Variants in UTRN observed in about 807,000 individuals in gnomAD.
UTRN encodes the protein dystrophin-related protein 1.
UTRN carries 283 observed loss-of-function variants against 463.9 expected under a neutral mutation model. The observed-to-expected ratio is 0.61, with a 90% CI of 0.55 to 0.67. UTRN has a LOEUF of 0.67. Ranked by LOEUF, UTRN falls within the 30% of genes least tolerant of loss-of-function variation. The pLI is 0.00. For missense variants in UTRN, 3,922 were observed against 4,084.3 expected (o/e 0.96, Z 1.08); for synonymous variants, 1,442 against 1,431.5 (o/e 1.01, Z -0.17).
At chr6:144,562,275 G>A (rs1232615248) in intron 50 of UTRN, among the ~76,000 whole-genome samples, 1 of 152,060 alleles carries the variant, frequency 6.6e-6, no homozygotes. Flanking sequence ...AGGTAAATGT[G>A]GTGGTTTGCT....
intron 45 of UTRN, 126 bp from the exon 46 acceptor site, chr6:144,542,669 G>T: frequency 1.1e-6 from 1 of 895,772 alleles, no homozygotes. Flanking sequence ...GGTAGAGCCA[G>T]AAGTTTAGGT....
intron 2 of UTRN, among the ~76,000 whole-genome samples, chr6:144,296,759 C>G (rs1804749272): frequency 6.6e-6 from 1 of 152,238 alleles, no homozygotes; most frequent in Non-Finnish European, 1.5e-5. Flanking sequence ...TGTATTTATA[C>G]AGCTCTTCTA....
At chr6:144,737,191 C>T (rs1451297362) in intron 54 of UTRN, among the ~76,000 whole-genome samples, 1 of 152,074 alleles carries the variant, frequency 6.6e-6, no homozygotes, top group Non-Finnish European at 1.5e-5. Flanking sequence ...AGTGCAGATC[C>T]TTTTCTTAGA....
chr6:144,442,676 T>C (rs547339448), intron 13 of UTRN, among the ~76,000 whole-genome samples: 61 of 152,258 alleles, frequency 4.0e-4, no homozygotes, highest in African/African-American at 1.4e-3. Context: ...GTGAGACTTA[T>C]TCACTATAAT....
chr6:144,729,648 A>T (rs1314983740), intron 53 of UTRN, among the ~76,000 whole-genome samples: 1 of 152,202 alleles, frequency 6.6e-6, no homozygotes, highest in Non-Finnish European at 1.5e-5. Flanking sequence ...TCACTGAAGG[A>T]GTTTGGTTGT....
chr6:144,563,187 T>G (rs1442438621), intron 50 of UTRN, among the ~76,000 whole-genome samples: 1 of 152,162 alleles, frequency 6.6e-6, no homozygotes. Flanking sequence ...ATTTAAATAT[T>G]GTGTATAGTA....
intron 2 of UTRN, among the ~76,000 whole-genome samples, chr6:144,381,465 G>T (rs1198565844): frequency 1.3e-5 from 2 of 152,128 alleles, no homozygotes; most frequent in Non-Finnish European, 2.9e-5. Flanking sequence ...TTACTGTGCT[G>T]CAATGTCTTT....
At position 144,346,754 on chromosome 6, in the gene UTRN, C is replaced by G. The variant is rs140462642; in HGVS notation, c.79+54847C>G. 2.0e-5 allele frequency among the ~76,000 whole-genome samples: 3 copies of G among 152,028 alleles called. No individual in the cohort carries two copies. The South Asian group carries it at 6.2e-4, about 32-fold the overall frequency. ...AAGAGAATCGCTTGAACCCGGGAGG[C>G]GGGGGTTGCAGTGAGCTGAGATTGC... On this transcript the variant is annotated intron_variant, in intron 2 of 74. Transcript: ENST00000367545.
intron 24 of UTRN, among the ~76,000 whole-genome samples, chr6:144,474,126 GA>G (rs1288941739): frequency 6.7e-6 from 1 of 149,788 alleles, no homozygotes; most frequent in African/African-American, 2.5e-5. Context: ...ACATGGTGAG[GA>G]TTTAAGAAAA....
At chr6:144,515,287 G>A (rs1409410288) in intron 37 of UTRN, among the ~76,000 whole-genome samples, 2 of 152,184 alleles carry the variant, frequency 1.3e-5, no homozygotes. Context: ...TTGTGCATAT[G>A]AAGGAGAGAA....
At chr6:144,846,271 CTATTATTAT>C (rs1782004478) in intron 73 of UTRN, among the ~76,000 whole-genome samples, 1 of 152,172 alleles carries the variant, frequency 6.6e-6, no homozygotes, top group Non-Finnish European at 1.5e-5. Flanking sequence ...ATCCAAGGGA[CTATTATTAT>C]CCCAAGTGTC....
Position 144,453,814 on chromosome 6 carries a change from C to T in UTRN, c.2229C>T (p.Pro743=). ...ALEKEQRERI[P]RADELNQTGQ... ...AAAAAGAACAGAGAGAAAGAATCCC[C>T]AGAGCAGATGAATTAAACCAAACTG... is the stretch of plus-strand genomic sequence containing the variant. The change falls in exon 19 of 75, where the codon CCC becomes CCT. Residue 743 remains proline (P), a synonymous_variant. Coordinates refer to ENST00000367545, the MANE Select transcript of UTRN (RefSeq NM_007124.3). 1 of 1,613,560 alleles carries T rather than the reference C, an allele frequency of 6.2e-7. No individual in the cohort carries two copies. The highest frequency in any genetic ancestry group is 8.5e-7 in the Non-Finnish European group (1 of 1,179,726).
intron 2 of UTRN, among the ~76,000 whole-genome samples, chr6:144,351,031 G>A (rs1306415818): frequency 6.6e-6 from 1 of 152,050 alleles, no homozygotes; most frequent in Admixed American, 6.5e-5. Flanking sequence ...TGGATGGTAA[G>A]TCCCAGATTT....
At chr6:144,792,978 T>C (rs1034719144) in intron 62 of UTRN, among the ~76,000 whole-genome samples, 1 of 152,122 alleles carries the variant, frequency 6.6e-6, no homozygotes, top group Middle Eastern at 3.2e-3. Flanking sequence ...AAAAACTGTA[T>C]GAAAATATGC....
chr6:144,695,118 G>A (rs1363164642), intron 52 of UTRN, among the ~76,000 whole-genome samples: 1 of 151,984 alleles, frequency 6.6e-6, no homozygotes, highest in African/African-American at 2.4e-5. Context: ...AAATGTCATG[G>A]CAGGGAACAT....
At chr6:144,559,399 A>G (rs1312449066) in intron 50 of UTRN, among the ~76,000 whole-genome samples, 1 of 152,124 alleles carries the variant, frequency 6.6e-6, no homozygotes, top group Non-Finnish European at 1.5e-5. Context: ...AAACTGGCTC[A>G]TAGGATCCCT....
At chr6:144,564,625 G>T (rs1288823096) in intron 50 of UTRN, among the ~76,000 whole-genome samples, 2 of 152,146 alleles carry the variant, frequency 1.3e-5, no homozygotes, top group Non-Finnish European at 2.9e-5. Context: ...AGGTGAAGGG[G>T]AAGCAAGGCA....
At chr6:144,313,741 A>G (rs1278846050) in intron 2 of UTRN, among the ~76,000 whole-genome samples, 1 of 152,198 alleles carries the variant, frequency 6.6e-6, no homozygotes, top group African/African-American at 2.4e-5. Context: ...GGACTTGCAT[A>G]TCCCCTTGGT....
chr6:144,389,581 C>G (rs995965095), intron 2 of UTRN, among the ~76,000 whole-genome samples: 4 of 151,706 alleles, frequency 2.6e-5, no homozygotes, highest in Non-Finnish European at 4.4e-5. Flanking sequence ...TTGCACATCC[C>G]TTTCTCCTTC....
Sources: gnomAD v4.1 joint callset for allele counts (sites outside exome capture counted in the v4.1 genomes callset) on GRCh38, gnomAD v4.1.1 for gene constraint, MANE v1.5 for transcripts, NCBI Gene and HGNC (gene_info 2026-07-23, HGNC 2026-07-21) for gene names.